Variants in PTPRN2 observed in about 807,000 individuals in gnomAD.
PTPRN2 encodes the protein protein tyrosine phosphatase receptor type N2, also known as receptor-type tyrosine-protein phosphatase N2.
In PTPRN2, 74 loss-of-function variants were observed where a neutral mutation model predicts 118.8. The observed-to-expected ratio is 0.62, with a 90% CI of 0.52 to 0.76. The LOEUF (loss-of-function observed/expected upper bound fraction) is 0.76. Among genes scored for constraint, PTPRN2 ranks in the 30% least tolerant of loss-of-function variants. The pLI, the probability that PTPRN2 is intolerant of heterozygous loss-of-function variation, is 0.00. For synonymous variants in PTPRN2, 641 were observed against 608.0 expected (o/e 1.05, Z -0.80); for missense variants, 1,481 against 1,394.4 (o/e 1.06, Z -0.99).
rs1804138218 is a variant in PTPRN2 at position 157,990,207 on chromosome 7, T to C, written c.1723+91091A>G. Among the ~76,000 whole-genome samples the C allele has an allele frequency of 6.6e-6, 1 of 150,384 alleles. No homozygotes were observed. The highest frequency in any genetic ancestry group is 2.0e-4 in the East Asian group (1 of 5,018). On this transcript the variant is annotated intron_variant, in intron 11 of 22. Coordinates refer to ENST00000389418, the MANE Select transcript of PTPRN2 (RefSeq NM_002847.5). This position sits in a 1 kb window ranked among gnomAD's most constrained non-coding sequence, Gnocchi z 4.3. ...CCAGGGCAGAGCGGGCCCAGATAAA[T>C]AATTCATGAGCGCCACCGGGGAAGA...
chr7:158,395,334 G>C (rs1316119505), intron 2 of PTPRN2, among the ~76,000 whole-genome samples: 91 of 92,162 alleles, frequency 9.9e-4, no homozygotes, highest in Admixed American at 1.4e-3. Context: ...GGCGAGGGGC[G>C]AGGCGCGAGG....
chr7:158,362,022 C>T (rs1393906601), intron 2 of PTPRN2, among the ~76,000 whole-genome samples: 1 of 152,220 alleles, frequency 6.6e-6, no homozygotes, highest in Non-Finnish European at 1.5e-5. Context: ...TCCATCTTTC[C>T]TCCGTCTGTC....
chr7:157,825,387 G>A (rs1807106644), intron 12 of PTPRN2, among the ~76,000 whole-genome samples: 1 of 152,158 alleles, frequency 6.6e-6, no homozygotes, highest in East Asian at 1.9e-4. Context: ...GGACCTCAGA[G>A]GCTGCAAGGT....
chr7:158,289,920 A>G (rs545061552), intron 3 of PTPRN2, among the ~76,000 whole-genome samples: 3 of 152,330 alleles, frequency 2.0e-5, no homozygotes, highest in African/African-American at 7.2e-5. Flanking sequence ...AGGCTGGTCC[A>G]ATGCCTGGGT....
In PTPRN2 at chr7:157,601,821, A is replaced by T. The variant is rs201496753; in HGVS notation, c.2418+2181T>A. On this transcript the variant is annotated intron_variant, in intron 16 of 22. Coordinates refer to ENST00000389418, the MANE Select transcript of PTPRN2 (RefSeq NM_002847.5). ...CTTGTGAATCACGGCTTTATTCCTC[A>T]TTCTGGCTTCATCAAATGGTTCATC... is the stretch of plus-strand genomic sequence containing the variant. Among the ~76,000 whole-genome samples, 2 of 152,220 alleles carry T rather than the reference A, an allele frequency of 1.3e-5. 1 individual carries two copies. Among genetic ancestry groups the T allele is most frequent in the East Asian group, 3.9e-4 (2 of 5,192 alleles).
chr7:158,188,144 A>ACACT (rs1164921612), intron 5 of PTPRN2, among the ~76,000 whole-genome samples: 2 of 150,364 alleles, frequency 1.3e-5, no homozygotes, highest in East Asian at 2.0e-4. Flanking sequence ...GGCAGCCACC[A>ACACT]CGCTCGCCCC....
At chr7:157,924,776 G>A (rs889893876) in intron 11 of PTPRN2, among the ~76,000 whole-genome samples, 1 of 152,268 alleles carries the variant, frequency 6.6e-6, no homozygotes, top group South Asian at 2.1e-4. Context: ...GTTCTCACCA[G>A]CTTTAGGTGA....
intron 11 of PTPRN2, among the ~76,000 whole-genome samples, chr7:158,044,575 G>A (rs907631529): frequency 6.6e-5 from 10 of 151,808 alleles, no homozygotes; most frequent in Admixed American, 1.3e-4. Flanking sequence ...CAGAGAGCTC[G>A]GGGCCTCGAT....
intron 11 of PTPRN2, among the ~76,000 whole-genome samples, chr7:157,915,721 A>C (rs1054704417): frequency 3.3e-5 from 5 of 152,196 alleles, no homozygotes; most frequent in African/African-American, 9.6e-5. Context: ...CTCAGAATAA[A>C]GGCCAACATC....
At position 157,944,990 on chromosome 7, in the gene PTPRN2, C is replaced by A. The variant is rs1800377840; in HGVS notation, c.1724-46253G>T. Among the ~76,000 whole-genome samples, 1 of 152,228 alleles carries A rather than the reference C, an allele frequency of 6.6e-6. No homozygotes were observed. The highest frequency in any genetic ancestry group is 2.4e-5 in the African/African-American group (1 of 41,454). The stretch of plus-strand genomic sequence containing the variant: ...TGCAGCTCCCAGTGCTGTGACCCCA[C>A]CATGATCGCTCATCTGCTCCAGCTG... On this transcript the variant is annotated intron_variant, in intron 11 of 22. Coordinates refer to ENST00000389418, the MANE Select transcript of PTPRN2 (RefSeq NM_002847.5). This position sits in a 1 kb window ranked among gnomAD's most constrained non-coding sequence, Gnocchi z 4.3.
At position 158,188,598 on chromosome 7, in the gene PTPRN2, GGGGAAGCCCGCCACGCTCGCCCCCTGAT is replaced by G. The variant is rs1386412950; in HGVS notation, c.549+3701_549+3728del. Among the ~76,000 whole-genome samples, 36 of 84,570 alleles carry G rather than the reference GGGGAAGCCCGCCACGCTCGCCCCCTGAT, an allele frequency of 4.3e-4. 1 individual carries two copies. The highest frequency in any genetic ancestry group is 5.8e-4 in the Non-Finnish European group (21 of 36,230). 55.5% of individuals were successfully genotyped at this position (84,570 alleles called of 152,430 possible). A position where few individuals can be genotyped will look rare whatever the true frequency, so the allele number is the denominator to read the frequency against. Reference sequence around the variant, plus strand: ...AAGGCCGCCACGCTCGCCCCCTGATGGGGAAGCCCGCCACGCTCGCCCCCTGATGGGGAAGGCCGCCACGCTCGCCCCC... The same window carrying G: ...AAGGCCGCCACGCTCGCCCCCTGATGGGGGAAGGCCGCCACGCTCGCCCCC... On this transcript the variant is annotated intron_variant, in intron 5 of 22. Transcript: ENST00000389418.
intron 1 of PTPRN2, among the ~76,000 whole-genome samples, chr7:158,557,769 G>A (rs1447318029): frequency 6.6e-6 from 1 of 152,176 alleles, no homozygotes; most frequent in Non-Finnish European, 1.5e-5. Context: ...GCGCCTAGAA[G>A]TGGGCTGGCC....
At chr7:158,247,946 C>A in intron 3 of PTPRN2, among the ~76,000 whole-genome samples, 1 of 152,188 alleles carries the variant, frequency 6.6e-6, no homozygotes, top group Non-Finnish European at 1.5e-5. Context: ...ATACCTCGCA[C>A]AAGACCCCAG....
At chr7:158,294,093 A>G (rs773441459) in intron 3 of PTPRN2, among the ~76,000 whole-genome samples, 4 of 152,250 alleles carry the variant, frequency 2.6e-5, no homozygotes, top group Non-Finnish European at 5.9e-5. Flanking sequence ...GCTCGTCTAC[A>G]CCAGCATCAC....
chr7:158,024,284 T>A (rs1807111079), intron 11 of PTPRN2, among the ~76,000 whole-genome samples: 1 of 152,204 alleles, frequency 6.6e-6, no homozygotes, highest in Admixed American at 6.5e-5. Context: ...CAGTGCTGAC[T>A]TAATTGACTG....
chr7:158,053,582 A>G (rs1039997537), intron 11 of PTPRN2, among the ~76,000 whole-genome samples: 2 of 152,252 alleles, frequency 1.3e-5, no homozygotes, highest in Non-Finnish European at 2.9e-5. Flanking sequence ...TTATAAACAC[A>G]CGTAAAGAGG....
chr7:157,803,513 A>T (rs1486816426), intron 12 of PTPRN2, among the ~76,000 whole-genome samples: 1 of 152,162 alleles, frequency 6.6e-6, no homozygotes, highest in African/African-American at 2.4e-5. Context: ...CTTTGCCTAG[A>T]TGAATGTCAT....
intron 12 of PTPRN2, among the ~76,000 whole-genome samples, chr7:157,775,259 T>C (rs1028847392): frequency 1.3e-5 from 2 of 152,162 alleles, no homozygotes; most frequent in Non-Finnish European, 2.9e-5. Flanking sequence ...GCTACTGTCA[T>C]ATGAGCTGCT....
intron 1 of PTPRN2, among the ~76,000 whole-genome samples, chr7:158,580,094 C>G (rs1828544984): frequency 6.6e-6 from 1 of 152,214 alleles, no homozygotes. Flanking sequence ...GCAGCTCCTG[C>G]CACTGCTTTA....
Sources: allele counts gnomAD v4.1 joint callset (sites outside exome capture counted in the v4.1 genomes callset), GRCh38; gene constraint gnomAD v4.1.1; non-coding constraint Gnocchi (gnomAD v3.1); transcripts MANE v1.5; gene names NCBI Gene and HGNC (gene_info 2026-07-23, HGNC 2026-07-21).